Variants in DPP6 observed in about 807,000 individuals in gnomAD.
DPP6 encodes the protein A-type potassium channel modulatory protein DPP6.
Under a neutral mutation model 122.6 loss-of-function variants are expected in DPP6, and 69 were observed. The observed-to-expected ratio is 0.56, with a 90% CI of 0.46 to 0.69. DPP6 has a LOEUF of 0.69. DPP6 is among the 30% of genes least tolerant of loss of function. The pLI is 0.00. For missense variants in DPP6, 928 were observed against 1,116.9 expected, an observed-to-expected ratio of 0.83 and a Z score of 2.41; for synonymous variants, 418 against 433.1, an observed-to-expected ratio of 0.97 and a Z score of 0.43.
chr7:154,707,936 G>A (rs955325016), intron 7 of DPP6, among the ~76,000 whole-genome samples: 2 of 152,142 alleles, frequency 1.3e-5, no homozygotes, highest in Non-Finnish European at 2.9e-5. Context: ...GATGAGATTT[G>A]GGTAGGGACA....
intron 1 of DPP6, among the ~76,000 whole-genome samples, chr7:153,906,774 C>T (rs1215685329): frequency 2.6e-5 from 4 of 152,156 alleles, no homozygotes; most frequent in South Asian, 4.1e-4. Context: ...TTTTTGTTGT[C>T]GAGCAATTTC....
At chr7:154,889,690 G>C in intron 25 of DPP6, 160 bp downstream of exon 25, 1 of 1,125,270 alleles carries the variant, frequency 8.9e-7, no homozygotes, top group East Asian at 2.6e-5. Context: ...ATCAGCACAT[G>C]CTCAACGTTT....
chr7:154,294,350 G>A (rs1005851724), intron 1 of DPP6, among the ~76,000 whole-genome samples: 1 of 152,148 alleles, frequency 6.6e-6, no homozygotes, highest in African/African-American at 2.4e-5. Context: ...AGGGGAAGAT[G>A]CCAAGTGTTT....
At chr7:154,063,401 C>A (rs1299532117) in intron 1 of DPP6, among the ~76,000 whole-genome samples, 12 of 134,540 alleles carry the variant, frequency 8.9e-5, no homozygotes, top group Admixed American at 6.2e-4. Flanking sequence ...TGAGAGCTAT[C>A]CCCTCTTCCG....
In DPP6 at chr7:154,102,357, T is replaced by G. The variant is rs1489238167; in HGVS notation, c.243+49294T>G. Among the ~76,000 whole-genome samples the G allele has an allele frequency of 7.9e-5, 12 of 151,956 alleles. 1 individual carries two copies. On this transcript the variant is annotated intron_variant, in intron 1 of 25. Coordinates refer to ENST00000377770, the MANE Select transcript of DPP6 (RefSeq NM_130797.4). Reference sequence around the variant, plus strand: ...GGCACACACCAATACGCCCAGCTAATTTTTGTATTTTTGTAGACATGGGGT... The same window carrying G: ...GGCACACACCAATACGCCCAGCTAAGTTTTGTATTTTTGTAGACATGGGGT...
chr7:154,860,731 G>T (rs1008093722), intron 17 of DPP6, among the ~76,000 whole-genome samples: 1 of 152,210 alleles, frequency 6.6e-6, no homozygotes, highest in Non-Finnish European at 1.5e-5. Context: ...AGCAGCAGGC[G>T]ACTGGGTGGG....
intron 1 of DPP6, among the ~76,000 whole-genome samples, chr7:153,955,954 G>A (rs776474787): frequency 3.9e-5 from 6 of 152,126 alleles, no homozygotes; most frequent in Non-Finnish European, 8.8e-5. Flanking sequence ...GACAGATGTG[G>A]CCCTTCATCC....
At chr7:153,773,325 TA>T in the DPP6 span, among the ~76,000 whole-genome samples, 2,512 of 42,342 alleles carry the variant, frequency 0.059, 40 homozygotes, top group African/African-American at 0.085. Flanking sequence ...TATATATATA[TA>T]TATATTTTTT....
chr7:153,786,473 C>T, the DPP6 span, among the ~76,000 whole-genome samples: 1 of 151,736 alleles, frequency 6.6e-6, no homozygotes, highest in African/African-American at 2.4e-5. Flanking sequence ...GGCACAGTGG[C>T]TCACGCCTGT....
chr7:153,910,233 T>C (rs2129002729), intron 1 of DPP6, among the ~76,000 whole-genome samples: 1 of 137,980 alleles, frequency 7.2e-6, no homozygotes, highest in African/African-American at 2.7e-5. Context: ...TTTCTTTCTT[T>C]CTTTTTTTTT....
chr7:153,938,863 C>T lies in DPP6; in HGVS notation c.51+51129C>T, dbSNP rs201349105. 3.3e-5 allele frequency among the ~76,000 whole-genome samples: 5 copies of T among 152,292 alleles called. No homozygotes were observed. The East Asian group carries it at 9.7e-4, about 29-fold the overall frequency. On this transcript the variant is annotated intron_variant, in intron 1 of 25. Transcript: ENST00000404039. Reference sequence around the variant, plus strand: ...GAGTGCACGGAATGGCCGGCTGAGTCTCATCAGTGTGGTGGTGGTTACACA... The same window carrying T: ...GAGTGCACGGAATGGCCGGCTGAGTTTCATCAGTGTGGTGGTGGTTACACA...
At chr7:154,587,796 T>A in intron 5 of DPP6, 1 of 1,612,424 alleles carries the variant, frequency 6.2e-7, no homozygotes, top group Non-Finnish European at 8.5e-7. Flanking sequence ...ACTGCCTGCG[T>A]GACTATGTCT....
At chr7:154,836,800 C>A (rs1368558840) in intron 16 of DPP6, among the ~76,000 whole-genome samples, 1 of 152,148 alleles carries the variant, frequency 6.6e-6, no homozygotes. Flanking sequence ...TCCACCTCCC[C>A]AGTTCAAGTG....
At chr7:153,850,789 T>TG in the DPP6 span, among the ~76,000 whole-genome samples, 6 of 152,098 alleles carry the variant, frequency 3.9e-5, no homozygotes, top group African/African-American at 1.2e-4. Context: ...AAGAAGAGTA[T>TG]GGGGGAAACT....
At chr7:154,807,143 A>G in intron 16 of DPP6, 31 bp downstream of exon 16, 1 of 1,604,658 alleles carries the variant, frequency 6.2e-7, no homozygotes, top group Non-Finnish European at 8.5e-7. Context: ...CAGGGCAAAG[A>G]GCCCTGGCAG....
rs1798370889 is a variant in DPP6, at chr7:154,186,708, A to G, written c.243+133645A>G. Reference sequence around the variant, plus strand: ...CCAGATGATGAAGCAAATACTCAATACTCCAAAGAATTCCTTAATTATTTA... The same window carrying G: ...CCAGATGATGAAGCAAATACTCAATGCTCCAAAGAATTCCTTAATTATTTA... On this transcript the variant is annotated intron_variant, in intron 1 of 25. Transcript: ENST00000377770. 2.0e-5 allele frequency among the ~76,000 whole-genome samples: 3 copies of G among 152,144 alleles called. No individual in the cohort carries two copies. The South Asian group carries it at 6.2e-4, about 32-fold the overall frequency.
intron 1 of DPP6, among the ~76,000 whole-genome samples, chr7:154,238,003 T>C (rs765123097): frequency 5.8e-4 from 89 of 152,310 alleles, no homozygotes; most frequent in Admixed American, 1.9e-3. Context: ...AGGGACGTGC[T>C]GGTACTGAGT....
At chr7:154,261,299 C>T (rs931971986) in intron 1 of DPP6, among the ~76,000 whole-genome samples, 4 of 152,174 alleles carry the variant, frequency 2.6e-5, no homozygotes, top group African/African-American at 7.2e-5. Context: ...ACTGCATGCA[C>T]GCCAACATTT....
chr7:153,832,436 T>C, the DPP6 span, among the ~76,000 whole-genome samples: 3 of 152,230 alleles, frequency 2.0e-5, no homozygotes, highest in African/African-American at 7.2e-5. Flanking sequence ...GAGAATACTG[T>C]TGAACTGAGT....
Sources: allele counts gnomAD v4.1 joint callset (sites outside exome capture counted in the v4.1 genomes callset), GRCh38; gene constraint gnomAD v4.1.1; transcripts MANE v1.5; gene names NCBI Gene and HGNC (gene_info 2026-07-23, HGNC 2026-07-21).